Variants in FRMPD4 observed in about 807,000 individuals in gnomAD.
FRMPD4 encodes the protein FERM and PDZ domain containing 4, also known as FERM and PDZ domain-containing protein 4.
A neutral mutation model predicts 94.1 loss-of-function variants in FRMPD4; 22 were observed. That is an observed-to-expected ratio of 0.23 (90% CI 0.17 to 0.33). The LOEUF is 0.33. Among genes scored for constraint, FRMPD4 ranks in the 10% least tolerant of loss-of-function variants. The pLI is 1.00. For synonymous variants in FRMPD4, 631 were observed against 548.6 expected, an observed-to-expected ratio of 1.15 and a Z score of -2.10; for missense variants, 1,111 against 1,339.9, an observed-to-expected ratio of 0.83 and a Z score of 2.67.
intron 4 of FRMPD4, among the ~76,000 whole-genome samples, chrX:12,624,939 GA>G (rs928736469): frequency 1.0e-4 from 11 of 109,505 alleles, no homozygotes; most frequent in African/African-American, 3.0e-4. Flanking sequence ...AGCTCAATAG[GA>G]AAAAAAAGAA....
chrX:12,395,804 T>A (rs1201290216), intron 1 of FRMPD4: 2 of 112,205 alleles, frequency 1.8e-5, no homozygotes, highest in Admixed American at 1.9e-4. Flanking sequence ...TAGGGTGTTT[T>A]CTTTTTTTCT....
At chrX:12,609,966 C>T in intron 3 of FRMPD4, 85 bp downstream of exon 3, 1 of 905,243 alleles carries the variant, frequency 1.1e-6, no homozygotes, top group Non-Finnish European at 1.6e-6. Context: ...TCATAAGTGT[C>T]CAGGCTGTGA....
chrX:12,038,566 T>G (rs1234673623), intron 3 of FRMPD4, among the ~76,000 whole-genome samples: 1 of 112,049 alleles, frequency 8.9e-6, no homozygotes, highest in Non-Finnish European at 1.9e-5. Flanking sequence ...TAGTGTGTGC[T>G]TTTTATATCT....
chrX:11,978,879 GC>G (rs1250819345), intron 3 of FRMPD4, among the ~76,000 whole-genome samples: 1 of 111,235 alleles, frequency 9.0e-6, no homozygotes, highest in Admixed American at 9.5e-5. Context: ...TCCATACCCT[GC>G]CCCCAACAAC....
intron 1 of FRMPD4, among the ~76,000 whole-genome samples, chrX:12,256,913 T>A (rs1050936165): frequency 1.8e-5 from 2 of 112,218 alleles, no homozygotes; most frequent in African/African-American, 3.2e-5. Context: ...TTTGTTCTAC[T>A]ACTGTTGATA....
At position 12,693,478 on chromosome X, in the gene FRMPD4, T is replaced by C. The variant is rs193093728; in HGVS notation, c.814-857T>C. On this transcript the variant is annotated intron_variant, in intron 8 of 16. Transcript: ENST00000675598. The stretch of plus-strand genomic sequence containing the variant: ...ACAAACTGAAATGAGCCATGGTCCT[T>C]AACCCTGAAGAACCTGTGGTATATT... 2.7e-5 allele frequency among the ~76,000 whole-genome samples: 3 copies of C among 112,297 alleles called. No individual in the cohort carries two copies. The East Asian group carries it at 8.4e-4, about 31-fold the overall frequency.
chrX:11,949,514 T>A, intron 3 of FRMPD4, among the ~76,000 whole-genome samples: 1 of 112,058 alleles, frequency 8.9e-6, no homozygotes, highest in East Asian at 2.8e-4. Context: ...CAAAGACAAG[T>A]CTGATTGTTT....
chrX:12,143,352 GAATAATATGAAATT>G (rs1394706249), intron 1 of FRMPD4, among the ~76,000 whole-genome samples: 1 of 112,336 alleles, frequency 8.9e-6, no homozygotes, highest in Non-Finnish European at 1.9e-5. Context: ...ATCAAAAAAA[GAATAATATGAAATT>G]AAAATTTCAG....
intron 3 of FRMPD4, among the ~76,000 whole-genome samples, chrX:11,902,882 A>C (rs1392923393): frequency 2.7e-5 from 3 of 111,967 alleles, no homozygotes; most frequent in Non-Finnish European, 5.6e-5. Flanking sequence ...TTATTGCAGT[A>C]ATTTGGGGGA....
chrX:12,470,083 C>T (rs2057493024), intron 1 of FRMPD4, among the ~76,000 whole-genome samples: 1 of 112,001 alleles, frequency 8.9e-6, no homozygotes, highest in Non-Finnish European at 1.9e-5. Context: ...ACCCCAGATG[C>T]AGTATTATAA....
intron 1 of FRMPD4, among the ~76,000 whole-genome samples, chrX:12,484,826 G>A (rs770082737): frequency 8.9e-6 from 1 of 111,996 alleles, no homozygotes; most frequent in South Asian, 3.8e-4. Context: ...GCAAATGGTG[G>A]CCCTGGAGAT....
intron 1 of FRMPD4, among the ~76,000 whole-genome samples, chrX:12,238,767 A>G (rs1480004416): frequency 1.8e-5 from 2 of 112,221 alleles, no homozygotes; most frequent in East Asian, 5.5e-4. Flanking sequence ...ATATAGTCTA[A>G]TAAACTTCAA....
intron 2 of FRMPD4, among the ~76,000 whole-genome samples, chrX:11,870,189 G>T (rs1445100790): frequency 8.9e-6 from 1 of 111,921 alleles, no homozygotes; most frequent in Non-Finnish European, 1.9e-5. Context: ...AACTTTCATA[G>T]ATTGCAAATC....
At chrX:12,639,904 T>C (rs1172732027) in intron 4 of FRMPD4, among the ~76,000 whole-genome samples, 2 of 111,706 alleles carry the variant, frequency 1.8e-5, no homozygotes, top group African/African-American at 6.5e-5. Flanking sequence ...GGAACCATTG[T>C]AGTAGACCAC....
rs1417922673 is a variant in FRMPD4 at position 11,854,089 on chromosome X, G to A, written c.-160-10997G>A. Among the ~76,000 whole-genome samples, 3 of 111,793 alleles carry A rather than the reference G, an allele frequency of 2.7e-5. No individual in the cohort carries two copies. In the East Asian group the frequency reaches 8.4e-4, roughly 31 times the overall value. On this transcript the variant is annotated intron_variant, in intron 1 of 18. Coordinates refer to the FRMPD4 transcript ENST00000640291. Reference sequence around the variant, plus strand: ...GAGGCCTCAGGAAACTTACAATCATGGCAGAAGGCACCTCTTCACAGGGCA... The same window carrying A: ...GAGGCCTCAGGAAACTTACAATCATAGCAGAAGGCACCTCTTCACAGGGCA...
chrX:11,844,611 A>AT (rs1336400932), intron 1 of FRMPD4, among the ~76,000 whole-genome samples: 1 of 109,261 alleles, frequency 9.2e-6, no homozygotes, highest in Non-Finnish European at 1.9e-5. Flanking sequence ...TAATCATATT[A>AT]TTTTTTTCTT....
rs749875964 is a variant in FRMPD4 at position 11,964,769 on chromosome X, AAC to A, written c.95+86755_95+86756del. Among the ~76,000 whole-genome samples, 383 of 112,983 alleles carry A rather than the reference AAC, an allele frequency of 3.4e-3. 4 individuals are homozygous for A. The highest frequency in any genetic ancestry group is 0.011 in the African/African-American group (352 of 31,130). On this transcript the variant is annotated intron_variant, in intron 3 of 18. Coordinates refer to the FRMPD4 transcript ENST00000640291. ...TTACCACAAATTTGGTGGTTTAAACAACACAAATTTACTATCTTACAGTTCTG... is the reference window on the plus strand; with the variant it reads ...TTACCACAAATTTGGTGGTTTAAACAACAAATTTACTATCTTACAGTTCTG...
At chrX:11,987,934 A>T (rs2054441443) in intron 3 of FRMPD4, among the ~76,000 whole-genome samples, 1 of 111,729 alleles carries the variant, frequency 9.0e-6, no homozygotes, top group African/African-American at 3.2e-5. Flanking sequence ...TGAAAAATTG[A>T]AGAAGACACA....
At chrX:12,686,341 T>C (rs1282475320) in intron 7 of FRMPD4, 137 bp downstream of exon 7, 2 of 386,607 alleles carry the variant, frequency 5.2e-6, no homozygotes, top group Non-Finnish European at 9.1e-6. Context: ...CCATATAATG[T>C]AGTCTGTGAA....
Sources: gnomAD v4.1 joint callset for allele counts (sites outside exome capture counted in the v4.1 genomes callset) on GRCh38, gnomAD v4.1.1 for gene constraint, MANE v1.5 for transcripts, NCBI Gene and HGNC (gene_info 2026-07-23, HGNC 2026-07-21) for gene names.